Variants in OPCML observed in about 807,000 individuals in gnomAD.
OPCML encodes the protein opioid binding protein/cell adhesion molecule like.
In OPCML, 13 loss-of-function variants were observed where a neutral mutation model predicts 37.8. That is an observed-to-expected ratio of 0.34 (90% CI 0.22 to 0.55). OPCML has a LOEUF of 0.55. Ranked by LOEUF, OPCML falls within the 20% of genes least tolerant of loss-of-function variation. OPCML has a pLI of 0.91. For missense variants in OPCML, 341 were observed against 435.6 expected, an observed-to-expected ratio of 0.78 and a Z score of 1.93; for synonymous variants, 176 against 168.8, an observed-to-expected ratio of 1.04 and a Z score of -0.33.
At chr11:133,447,764 T>C (rs1421647686) in intron 1 of OPCML, among the ~76,000 whole-genome samples, 2 of 152,240 alleles carry the variant, frequency 1.3e-5, no homozygotes, top group African/African-American at 2.4e-5. Context: ...ATTTATCCAG[T>C]CCACCACTGA....
chr11:133,004,368 T>C (rs1947066675), intron 1 of OPCML: 1 of 985,464 alleles, frequency 1.0e-6, no homozygotes, highest in African/African-American at 1.7e-5. Context: ...TTATTAATGG[T>C]TCTGCTCTCT....
intron 1 of OPCML, among the ~76,000 whole-genome samples, chr11:133,309,884 G>A (rs1349825382): frequency 2.6e-5 from 4 of 152,184 alleles, no homozygotes; most frequent in African/African-American, 9.7e-5. Context: ...AGTCAGGTGG[G>A]AATGCAATGC....
chr11:132,448,835 A>G (rs1006791664), intron 4 of OPCML, among the ~76,000 whole-genome samples: 2 of 152,226 alleles, frequency 1.3e-5, no homozygotes, highest in African/African-American at 4.8e-5. Context: ...GTGATTTTTC[A>G]GTAAGTGTTT....
chr11:132,733,327 G>A (rs1945146508), intron 2 of OPCML, among the ~76,000 whole-genome samples: 1 of 152,042 alleles, frequency 6.6e-6, no homozygotes, highest in Admixed American at 6.6e-5. Context: ...ATATAGCAAT[G>A]ACCCATAGTA....
chr11:133,457,577 T>C (rs1454964244), intron 1 of OPCML, among the ~76,000 whole-genome samples: 1 of 151,958 alleles, frequency 6.6e-6, no homozygotes, highest in African/African-American at 2.4e-5. Context: ...TTATGTTTTT[T>C]AATGTTATAT....
chr11:132,909,213 C>T (rs1156336489), intron 2 of OPCML, among the ~76,000 whole-genome samples: 1 of 152,070 alleles, frequency 6.6e-6, no homozygotes, highest in African/African-American at 2.4e-5. Flanking sequence ...TCTCACACAT[C>T]CACACTTTAA....
intron 2 of OPCML, among the ~76,000 whole-genome samples, chr11:132,755,490 T>G (rs1591561718): frequency 6.6e-6 from 1 of 152,192 alleles, no homozygotes; most frequent in African/African-American, 2.4e-5. Flanking sequence ...TTGCACGTGG[T>G]TGCTATATTT....
chr11:132,637,970 G>T (rs949020490), intron 3 of OPCML, among the ~76,000 whole-genome samples: 5 of 152,036 alleles, frequency 3.3e-5, no homozygotes, highest in African/African-American at 1.2e-4. Flanking sequence ...AGCCACTTCT[G>T]TCCTACCCAC....
chr11:132,567,542 T>A (rs2096426626), intron 3 of OPCML, among the ~76,000 whole-genome samples: 1 of 152,048 alleles, frequency 6.6e-6, no homozygotes, highest in Admixed American at 6.6e-5. Flanking sequence ...GAAATGTAAG[T>A]AGTCAGATAT....
chr11:133,363,985 T>C (rs1329634461), intron 1 of OPCML, among the ~76,000 whole-genome samples: 1 of 152,102 alleles, frequency 6.6e-6, no homozygotes, highest in Non-Finnish European at 1.5e-5. Context: ...AGCACATCTG[T>C]TTTCATGCAC....
intron 2 of OPCML, among the ~76,000 whole-genome samples, chr11:132,881,609 C>G (rs955696130): frequency 7.3e-6 from 1 of 136,378 alleles, no homozygotes; most frequent in Non-Finnish European, 1.6e-5. Context: ...GGCAAGATCC[C>G]AAATTTAAAA....
At chr11:133,026,665 C>T in intron 1 of OPCML, 1 of 800,466 alleles carries the variant, frequency 1.2e-6, no homozygotes, top group Non-Finnish European at 1.5e-6. Flanking sequence ...TGCCTGGATT[C>T]CTACAGCTCT....
intron 2 of OPCML, among the ~76,000 whole-genome samples, chr11:132,928,841 T>C (rs1945089919): frequency 6.6e-6 from 1 of 151,962 alleles, no homozygotes; most frequent in African/African-American, 2.4e-5. Context: ...TACAAATATG[T>C]GTGAATTAAC....
intron 2 of OPCML, among the ~76,000 whole-genome samples, chr11:132,845,742 GA>G (rs1158252683): frequency 6.6e-6 from 1 of 152,184 alleles, no homozygotes; most frequent in Non-Finnish European, 1.5e-5. Context: ...CACTATTAGA[GA>G]CATTGAAAGC....
chr11:132,982,287 CA>C (rs1399972111), intron 1 of OPCML, among the ~76,000 whole-genome samples: 6 of 151,988 alleles, frequency 3.9e-5, no homozygotes, highest in Non-Finnish European at 8.8e-5. Context: ...CCATTTATCC[CA>C]AATGTGTGTG....
At position 132,706,389 on chromosome 11, in the gene OPCML, T is replaced by A. The variant is rs151284488; in HGVS notation, c.147-49070A>T. 3.2e-3 allele frequency among the ~76,000 whole-genome samples: 482 copies of A among 152,342 alleles called. 3 individuals are homozygous for A. Among genetic ancestry groups the A allele is most frequent in the African/African-American group, 0.01 (425 of 41,580 alleles). The stretch of plus-strand genomic sequence containing the variant: ...AAGCTGGTGAAAAACTAGCAGAGGA[T>A]AAGAATACAGGGTTCCACGACTCTC... On this transcript the variant is annotated intron_variant, in intron 2 of 7. Transcript: ENST00000524381.
chr11:132,490,755 G>C (rs953198671), intron 4 of OPCML, among the ~76,000 whole-genome samples: 1 of 150,720 alleles, frequency 6.6e-6, no homozygotes, highest in Non-Finnish European at 1.5e-5. Context: ...AGTTTGCAGT[G>C]AGCCGAGATC....
chr11:133,436,920 A>C (rs1011230800), intron 1 of OPCML, among the ~76,000 whole-genome samples: 2 of 152,100 alleles, frequency 1.3e-5, no homozygotes, highest in Non-Finnish European at 2.9e-5. Context: ...TCATGGCTAC[A>C]TTTTTGTTCT....
Position 133,250,883 on chromosome 11 carries a change from G to C in OPCML, c.61+281381C>G, listed in dbSNP as rs377678908. 3.7e-4 allele frequency among the ~76,000 whole-genome samples: 57 copies of C among 152,180 alleles called. No homozygotes were observed. In the East Asian group the frequency reaches 8.0e-3, roughly 21 times the overall value. Reference sequence around the variant, plus strand: ...ACCTCTAGAATTTAAACAGTTGCCAGTCCTGAAATGCCTCCCATTCCCCTT... The same window carrying C: ...ACCTCTAGAATTTAAACAGTTGCCACTCCTGAAATGCCTCCCATTCCCCTT... On this transcript the variant is annotated intron_variant, in intron 1 of 7. Coordinates refer to ENST00000524381, the MANE Select transcript of OPCML (RefSeq NM_001012393.5).
Sources: gnomAD v4.1 joint callset for allele counts (sites outside exome capture counted in the v4.1 genomes callset) on GRCh38, gnomAD v4.1.1 for gene constraint, MANE v1.5 for transcripts, NCBI Gene and HGNC (gene_info 2026-07-23, HGNC 2026-07-21) for gene names.